CPEB4: variants seen among roughly 807,000 people sequenced by gnomAD.
CPEB4 encodes the protein cytoplasmic polyadenylation element-binding protein 4.
A neutral mutation model predicts 72.5 loss-of-function variants in CPEB4; 12 were observed. The observed-to-expected ratio is 0.17, with a 90% CI of 0.11 to 0.27. CPEB4 has a LOEUF of 0.27. Among genes scored for constraint, CPEB4 ranks in the 10% least tolerant of loss-of-function variants. CPEB4 has a pLI of 1.00. For synonymous variants in CPEB4, 302 were observed against 326.3 expected, an observed-to-expected ratio of 0.93 and a Z score of 0.80; for missense variants, 614 against 908.5, an observed-to-expected ratio of 0.68 and a Z score of 4.17.
chr5:173,936,328 CTG>C (rs1262918696), intron 3 of CPEB4, among the ~76,000 whole-genome samples: 1 of 152,202 alleles, frequency 6.6e-6, no homozygotes, highest in African/African-American at 2.4e-5. Context: ...GGTTTTCCAT[CTG>C]TGCATGTCTG....
chr5:173,907,182 G>A (rs575979390), intron 1 of CPEB4, among the ~76,000 whole-genome samples: 1 of 152,112 alleles, frequency 6.6e-6, no homozygotes, highest in African/African-American at 2.4e-5. Flanking sequence ...CAGGAGAGTC[G>A]CTTGAACCCG....
intron 2 of CPEB4, among the ~76,000 whole-genome samples, chr5:173,917,724 C>T (rs1756923247): frequency 1.3e-5 from 2 of 152,166 alleles, no homozygotes; most frequent in African/African-American, 4.8e-5. Context: ...GAAACTCCAT[C>T]TCAAAGAAAT....
At position 173,890,914 on chromosome 5, in the gene CPEB4, T is replaced by C. The variant is rs1581102184; in HGVS notation, c.1125+56T>C. On this transcript the variant is annotated intron_variant, in intron 1 of 9. Coordinates refer to ENST00000265085, the MANE Select transcript of CPEB4 (RefSeq NM_030627.4). ...TGAATAAGGAAATAGCATGGTGTAA[T>C]ATCTATGTAACTAGAGTTTGAAGTG... The C allele has an allele frequency of 3.3e-6, 5 of 1,507,400 alleles. No individual in the cohort carries two copies. In the East Asian group the frequency reaches 9.1e-5, roughly 27 times the overall value. The allele number at this position is 1,507,400 out of a possible 1,614,324, so 93.4% of individuals were successfully genotyped here.
At chr5:173,910,062 T>C (rs1756590081) in intron 1 of CPEB4, among the ~76,000 whole-genome samples, 1 of 151,506 alleles carries the variant, frequency 6.6e-6, no homozygotes, top group African/African-American at 2.4e-5. Flanking sequence ...AGTCTTACAA[T>C]CATTCGATGA....
intron 2 of CPEB4, among the ~76,000 whole-genome samples, chr5:173,927,015 A>T (rs887110800): frequency 1.3e-5 from 2 of 152,042 alleles, no homozygotes; most frequent in Non-Finnish European, 2.9e-5. Context: ...CCCGCGCATG[A>T]TGGCGGGTGC....
At chr5:173,928,084 A>G (rs1316374854) in intron 2 of CPEB4, among the ~76,000 whole-genome samples, 2 of 152,196 alleles carry the variant, frequency 1.3e-5, no homozygotes, top group Non-Finnish European at 2.9e-5. Flanking sequence ...ACTGTATGAT[A>G]GTCTGGAAAA....
chr5:173,945,165 C>T (rs766987975), intron 5 of CPEB4, 25 bp downstream of exon 5: 31 of 1,588,380 alleles, frequency 2.0e-5, no homozygotes, highest in African/African-American at 4.0e-5. Flanking sequence ...GTTTATAGCA[C>T]GGTGCCCAGA....
intron 2 of CPEB4, among the ~76,000 whole-genome samples, chr5:173,916,421 GC>G: frequency 6.6e-6 from 1 of 152,234 alleles, no homozygotes; most frequent in Middle Eastern, 3.4e-3. Flanking sequence ...TCCCCATGGT[GC>G]CCAGGAAACC....
intron 4 of CPEB4, 26 bp downstream of exon 4, chr5:173,943,075 G>GT (rs1757903828): frequency 1.2e-6 from 2 of 1,607,820 alleles, no homozygotes; most frequent in Admixed American, 1.7e-5. Context: ...ACTTTTAAAT[G>GT]TATCACTTGT....
At chr5:173,933,355 T>G (rs1212393901) in intron 3 of CPEB4, among the ~76,000 whole-genome samples, 1 of 152,242 alleles carries the variant, frequency 6.6e-6, no homozygotes, top group South Asian at 2.1e-4. Flanking sequence ...ATGTTGTGAA[T>G]GAGGAGTTAA....
intron 2 of CPEB4, among the ~76,000 whole-genome samples, chr5:173,915,414 A>G (rs1756832570): frequency 1.3e-5 from 2 of 152,012 alleles, no homozygotes; most frequent in African/African-American, 4.8e-5. Flanking sequence ...CTCATTCCTT[A>G]TCTCCCTGTC....
Position 173,956,307 on chromosome 5 carries a change from G to C in CPEB4, c.*170G>C, listed in dbSNP as rs1294783079. 8 of 553,168 alleles carry C rather than the reference G, an allele frequency of 1.4e-5. No homozygotes were observed. The highest frequency in any genetic ancestry group is 3.8e-5 in the African/African-American group (2 of 52,816). 34.3% of individuals were successfully genotyped at this position (553,168 alleles called of 1,614,324 possible). ...TAATATAGGTGTTTTGTAGATTCTT[G>C]TGTCACTGCAAACAATATGAACTCC... On this transcript the variant is annotated 3_prime_UTR_variant, in exon 10 of 10. Transcript: ENST00000265085.
chr5:173,912,145 T>C (rs1756687170), intron 2 of CPEB4, among the ~76,000 whole-genome samples: 1 of 151,868 alleles, frequency 6.6e-6, no homozygotes, highest in South Asian at 2.1e-4. Context: ...AGATGCATGC[T>C]ATATAGCTGT....
intron 4 of CPEB4, among the ~76,000 whole-genome samples, chr5:173,943,791 T>C (rs1757927995): frequency 6.6e-6 from 1 of 152,182 alleles, no homozygotes; most frequent in African/African-American, 2.4e-5. Flanking sequence ...AAATATACTG[T>C]TATTATTTGT....
At chr5:173,913,084 C>A (rs1413568576) in intron 2 of CPEB4, among the ~76,000 whole-genome samples, 1 of 151,846 alleles carries the variant, frequency 6.6e-6, no homozygotes, top group Non-Finnish European at 1.5e-5. Flanking sequence ...GTTTTTATCA[C>A]AGAAAATATA....
chr5:173,949,909 A>G (rs1448336949), intron 6 of CPEB4, 51 bp from the exon 7 acceptor site: 28 of 1,279,576 alleles, frequency 2.2e-5, no homozygotes, highest in Non-Finnish European at 3.1e-5. Flanking sequence ...CCCCTGAAGA[A>G]TTACCAAAAA....
At chr5:173,932,105 G>C (rs1293623101) in intron 2 of CPEB4, among the ~76,000 whole-genome samples, 3 of 152,114 alleles carry the variant, frequency 2.0e-5, no homozygotes, top group Non-Finnish European at 4.4e-5. Flanking sequence ...CAATTACATA[G>C]TTTCAAAAGT....
intron 5 of CPEB4, among the ~76,000 whole-genome samples, chr5:173,946,054 A>G (rs1222977813): frequency 6.6e-6 from 1 of 152,226 alleles, no homozygotes; most frequent in Non-Finnish European, 1.5e-5. Context: ...CTAATAAATA[A>G]TAAGGTTTAA....
At chr5:173,910,278 T>A (rs1756603894) in intron 1 of CPEB4, among the ~76,000 whole-genome samples, 1 of 152,200 alleles carries the variant, frequency 6.6e-6, no homozygotes, top group Non-Finnish European at 1.5e-5. Flanking sequence ...TTTGGCTTTC[T>A]GAATAAATGT....
Sources: gnomAD v4.1 joint callset for allele counts (sites outside exome capture counted in the v4.1 genomes callset) on GRCh38, gnomAD v4.1.1 for gene constraint, MANE v1.5 for transcripts, NCBI Gene and HGNC (gene_info 2026-07-23, HGNC 2026-07-21) for gene names.